Variants in KCNQ1 observed in about 807,000 individuals in gnomAD.
The protein encoded by KCNQ1 is potassium voltage-gated channel subfamily KQT member 1.
KCNQ1 carries 49 observed loss-of-function variants against 72.4 expected under a neutral mutation model. That is an observed-to-expected ratio of 0.68 (90% CI 0.54 to 0.86). The LOEUF (loss-of-function observed/expected upper bound fraction) is 0.86. Ranked by LOEUF, KCNQ1 falls within the 40% of genes least tolerant of loss-of-function variation. The probability of loss-of-function intolerance (pLI) is 0.00; values close to 1 mark genes in which losing one functional copy is unlikely to be tolerated. For synonymous variants in KCNQ1, 450 were observed against 412.6 expected, an observed-to-expected ratio of 1.09 and a Z score of -1.10; for missense variants, 790 against 945.1, an observed-to-expected ratio of 0.84 and a Z score of 2.15.
intron 11 of KCNQ1, among the ~76,000 whole-genome samples, chr11:2,722,852 T>A (rs557690665): frequency 6.6e-6 from 1 of 152,204 alleles, no homozygotes; most frequent in South Asian, 2.1e-4. Context: ...TGTGAGGCAG[T>A]ATCTGAGCCA....
At position 2,471,798 on chromosome 11, in the gene KCNQ1, G is replaced by A. The variant is rs1334773220; in HGVS notation, c.386+26314G>A. 1.3e-5 allele frequency among the ~76,000 whole-genome samples: 2 copies of A among 151,298 alleles called. No homozygotes were observed. The highest frequency in any genetic ancestry group is 2.4e-5 in the African/African-American group (1 of 41,170). The stretch of plus-strand genomic sequence containing the variant: ...TGCATGTGATTGGGTGTGTGCATGT[G>A]TATATAGGTGTGTGTGCACGTGTAT... On this transcript the variant is annotated intron_variant, in intron 1 of 15. Transcript: ENST00000155840. The surrounding 1 kb of genome is among the most constrained non-coding windows in gnomAD (Gnocchi z 4.8).
intron 11 of KCNQ1, chr11:2,699,252 A>G: frequency 2.5e-6 from 1 of 398,770 alleles, no homozygotes; most frequent in Non-Finnish European, 4.4e-6. Flanking sequence ...TAAGGTGCAG[A>G]TGGGAGCGCA....
Position 2,462,093 on chromosome 11 carries a change from T to G in KCNQ1, c.386+16609T>G, listed in dbSNP as rs767326620. The G allele has an allele frequency of 2.5e-4, 73 of 288,662 alleles. No individual in the cohort carries two copies. Among genetic ancestry groups the G allele is most frequent in the Admixed American group, 4.0e-4 (9 of 22,658 alleles). The allele number at this position is 288,662 out of a possible 1,614,324, so 17.9% of individuals were successfully genotyped here. A position where few individuals can be genotyped will look rare whatever the true frequency, so the allele number is the denominator to read the frequency against. On this transcript the variant is annotated intron_variant, in intron 1 of 15. Transcript: ENST00000155840. This position sits in a 1 kb window ranked among gnomAD's most constrained non-coding sequence, Gnocchi z 8.2. Reference sequence around the variant, plus strand: ...CCAGCCCCACTGTGTCTTTCTGGGATTCACAAGAATCCTTCCCTGGGCTGA... The same window carrying G: ...CCAGCCCCACTGTGTCTTTCTGGGAGTCACAAGAATCCTTCCCTGGGCTGA...
At chr11:2,692,141 C>A (rs959852726) in intron 11 of KCNQ1, 10 of 398,608 alleles carry the variant, frequency 2.5e-5, no homozygotes, top group Non-Finnish European at 4.0e-5. Context: ...CTGAAGGCCC[C>A]TGTCCTTTCA....
At position 2,668,138 on chromosome 11, in the gene KCNQ1, G is replaced by A. The variant is rs925047680; in HGVS notation, c.1514+6057G>A. ...TGATGTCTGGCAGCCTCTCTATGGGGCTGAAGGGAGAGTGCTCCCTCATGC... is the reference window on the plus strand; with the variant it reads ...TGATGTCTGGCAGCCTCTCTATGGGACTGAAGGGAGAGTGCTCCCTCATGC... On this transcript the variant is annotated intron_variant, in intron 11 of 15. Transcript: ENST00000155840. The surrounding 1 kb of genome is among the most constrained non-coding windows in gnomAD (Gnocchi z 4.3). 4 of 398,528 alleles carry A rather than the reference G, an allele frequency of 1.0e-5. No individual in the cohort carries two copies. The highest frequency in any genetic ancestry group is 1.3e-4 in the South Asian group (1 of 7,862). 24.7% of individuals were successfully genotyped at this position (398,528 alleles called of 1,614,324 possible).
rs368671854 is a variant in KCNQ1 at position 2,673,104 on chromosome 11, G to A, written c.1514+11023G>A. 5.0e-6 allele frequency: 2 copies of A among 398,900 alleles called. No homozygotes were observed. Among genetic ancestry groups the A allele is most frequent in the African/African-American group, 4.1e-5 (2 of 48,758 alleles). The allele number at this position is 398,900 out of a possible 1,614,324, so 24.7% of individuals were successfully genotyped here. ...AGTAGGCCTTCACGGTACTCAGCAGGAGACCCCAGCAGGCAGCATCAGGGC... is the reference window on the plus strand; with the variant it reads ...AGTAGGCCTTCACGGTACTCAGCAGAAGACCCCAGCAGGCAGCATCAGGGC... On this transcript the variant is annotated intron_variant, in intron 11 of 15. Coordinates refer to ENST00000155840, the MANE Select transcript of KCNQ1 (RefSeq NM_000218.3). This position sits in a 1 kb window ranked among gnomAD's most constrained non-coding sequence, Gnocchi z 4.5.
chr11:2,585,112 C>A, intron 7 of KCNQ1, 100 bp from the exon 8 acceptor site: 1 of 1,062,294 alleles, frequency 9.4e-7, no homozygotes, highest in Non-Finnish European at 1.5e-6. Context: ...ACTGACCATA[C>A]CTGGCCTTCC....
intron 2 of KCNQ1, among the ~76,000 whole-genome samples, chr11:2,540,038 C>A (rs1175597143): frequency 1.3e-5 from 2 of 152,160 alleles, no homozygotes; most frequent in Non-Finnish European, 2.9e-5. Context: ...ACTGGCACTG[C>A]ACGTGGGGCT....
chr11:2,543,340 C>T lies in KCNQ1; in HGVS notation c.477+15322C>T, dbSNP rs757388135. On this transcript the variant is annotated intron_variant, in intron 2 of 15. Transcript: ENST00000155840. The surrounding 1 kb of genome is among the most constrained non-coding windows in gnomAD (Gnocchi z 5.6). The stretch of plus-strand genomic sequence containing the variant: ...TCAGGCTGGAGTGCAGTGGCGTAAA[C>T]GTAGCTCACTGCAACCTCGAATTCC... Among the ~76,000 whole-genome samples the T allele has an allele frequency of 4.6e-5, 7 of 151,972 alleles. No individual in the cohort carries two copies. Among genetic ancestry groups the T allele is most frequent in the Admixed American group, 6.6e-5 (1 of 15,264 alleles).
intron 2 of KCNQ1, among the ~76,000 whole-genome samples, chr11:2,551,190 T>C (rs1847977951): frequency 6.6e-6 from 1 of 152,202 alleles, no homozygotes; most frequent in Admixed American, 6.5e-5. Context: ...GGCAAACATT[T>C]ATGGTCCTGT....
rs1219932436 is a variant in KCNQ1, at chr11:2,670,102, T to C, written c.1514+8021T>C. 5.0e-5 allele frequency: 20 copies of C among 398,614 alleles called. No homozygotes were observed. Among genetic ancestry groups the C allele is most frequent in the South Asian group, 1.3e-4 (1 of 7,858 alleles). 24.7% of individuals were successfully genotyped at this position (398,614 alleles called of 1,614,324 possible). A position where few individuals can be genotyped will look rare whatever the true frequency, so the allele number is the denominator to read the frequency against. On this transcript the variant is annotated intron_variant, in intron 11 of 15. Transcript: ENST00000155840. This position sits in a 1 kb window ranked among gnomAD's most constrained non-coding sequence, Gnocchi z 4.9. ...GGCAGAATCAGTGGACTGTGTCTCA[T>C]GGCAGTCACAGGTGCCCCAGTATGC...
At chr11:2,697,331 A>G (rs1205446761) in intron 11 of KCNQ1, 2 of 398,454 alleles carry the variant, frequency 5.0e-6, no homozygotes. Context: ...CATCAACCCT[A>G]TGAGCTACAC....
chr11:2,604,453 A>G (rs61871520), intron 10 of KCNQ1, among the ~76,000 whole-genome samples: 47,383 of 151,410 alleles, frequency 0.31, 9,768 homozygotes, highest in African/African-American at 0.58. Flanking sequence ...ACTCCAGCTT[A>G]GGCAACAGAG....
In KCNQ1 at chr11:2,772,709, A is replaced by G. The variant is rs377499986; in HGVS notation, c.1591-3251A>G. On this transcript the variant is annotated intron_variant, in intron 12 of 15. Transcript: ENST00000155840. The surrounding 1 kb of genome is among the most constrained non-coding windows in gnomAD (Gnocchi z 6.6). ...GCCCTGCTCCTGCAGACGTGCACAC[A>G]CTCAGGTACATAATACTTCCTTGCC... is the stretch of plus-strand genomic sequence containing the variant. Among the ~76,000 whole-genome samples the G allele has an allele frequency of 6.6e-6, 1 of 152,054 alleles. No individual in the cohort carries two copies. The highest frequency in any genetic ancestry group is 2.4e-5 in the African/African-American group (1 of 41,406).
chr11:2,472,902 CCTT>C (rs1846510666), intron 1 of KCNQ1, among the ~76,000 whole-genome samples: 2 of 152,136 alleles, frequency 1.3e-5, no homozygotes, highest in Admixed American at 6.5e-5. Flanking sequence ...GCTCTGGGGC[CCTT>C]CTTGATACTC....
rs764984751 is a variant in KCNQ1 at position 2,527,908 on chromosome 11, G to C, written c.387-20G>C. On this transcript the variant is annotated intron_variant, in intron 1 of 15. Transcript: ENST00000155840. The stretch of plus-strand genomic sequence containing the variant: ...ATGGGCAGAGGCCGTGATGCTGACT[G>C]CCGTGTCCCTGTCTTGCAGCTTCCT... 25 of 1,610,224 alleles carry C rather than the reference G, an allele frequency of 1.6e-5. No individual in the cohort carries two copies. The South Asian group carries it at 1.9e-4, about 12-fold the overall frequency.
At chr11:2,501,005 C>T (rs1197019682) in intron 1 of KCNQ1, among the ~76,000 whole-genome samples, 6 of 152,070 alleles carry the variant, frequency 3.9e-5, no homozygotes, top group African/African-American at 9.7e-5. Flanking sequence ...ACATGTACCC[C>T]AGAACTTATA....
intron 11 of KCNQ1, chr11:2,699,893 G>T (rs1020380098): frequency 2.5e-6 from 1 of 398,246 alleles, no homozygotes; most frequent in Non-Finnish European, 4.4e-6. Context: ...GGAGGACCAC[G>T]CTGAGAGGCA....
rs1271857966 is a variant in KCNQ1 at position 2,563,640 on chromosome 11, C to CT, written c.478-6986dup. On this transcript the variant is annotated intron_variant, in intron 2 of 15. Transcript: ENST00000155840. The surrounding 1 kb of genome is among the most constrained non-coding windows in gnomAD (Gnocchi z 7.4). Reference sequence around the variant, plus strand: ...AAGCCGTCAGTGGCAGTGACTGTGCCTTAGGGTGTCCCGTTGGCATCCAGG... The same window carrying CT: ...AAGCCGTCAGTGGCAGTGACTGTGCCTTTAGGGTGTCCCGTTGGCATCCAGG... Among the ~76,000 whole-genome samples the CT allele has an allele frequency of 1.3e-5, 2 of 152,236 alleles. No individual in the cohort carries two copies. Among genetic ancestry groups the CT allele is most frequent in the Non-Finnish European group, 2.9e-5 (2 of 68,046 alleles).
Sources: allele counts gnomAD v4.1 joint callset (sites outside exome capture counted in the v4.1 genomes callset), GRCh38; gene constraint gnomAD v4.1.1; non-coding constraint Gnocchi (gnomAD v3.1); transcripts MANE v1.5; gene names NCBI Gene and HGNC (gene_info 2026-07-23, HGNC 2026-07-21).